Variants in MTMR14 observed in about 807,000 individuals in gnomAD.
The protein encoded by MTMR14 is phosphatidylinositol-3,5-bisphosphate 3-phosphatase MTMR14.
Under a neutral mutation model 86.3 loss-of-function variants are expected in MTMR14, and 48 were observed. That is an observed-to-expected ratio of 0.56 (90% CI 0.44 to 0.71). The LOEUF is 0.71. Ranked by LOEUF, MTMR14 falls within the 30% of genes least tolerant of loss-of-function variation. MTMR14 has a pLI of 0.00. For missense variants in MTMR14, 780 were observed against 834.6 expected (o/e 0.93, Z 0.81); for synonymous variants, 366 against 326.1 (o/e 1.12, Z -1.32).
Position 9,653,543 on chromosome 3 carries a change from C to T in MTMR14, c.160-78C>T, listed in dbSNP as rs990688472. ...AGGTACATGTCTTTCCCAGTGACCT[C>T]TTAGGCCATGGACCTCCTAATTCTC... On this transcript the variant is annotated intron_variant, in intron 1 of 18. Coordinates refer to ENST00000296003, the MANE Select transcript of MTMR14 (RefSeq NM_001077525.3). The T allele has an allele frequency of 3.1e-6, 5 of 1,588,352 alleles. No individual in the cohort carries two copies. In the Admixed American group the frequency reaches 6.7e-5, roughly 21 times the overall value.
At chr3:9,678,698 G>A (rs1346292509) in intron 9 of MTMR14, among the ~76,000 whole-genome samples, 7 of 152,142 alleles carry the variant, frequency 4.6e-5, no homozygotes, top group Non-Finnish European at 7.4e-5. Context: ...GCTTTGGCTC[G>A]AGTGTCTGCT....
At chr3:9,661,637 C>G (rs1024191588) in intron 2 of MTMR14, among the ~76,000 whole-genome samples, 1 of 152,110 alleles carries the variant, frequency 6.6e-6, no homozygotes, top group African/African-American at 2.4e-5. Context: ...AGGTCTTATC[C>G]TGGGAGTTAA....
chr3:9,663,606 C>T (rs1291916483), intron 3 of MTMR14, among the ~76,000 whole-genome samples: 14 of 149,842 alleles, frequency 9.3e-5, no homozygotes, highest in African/African-American at 2.7e-4. Flanking sequence ...CTCCGCCTCC[C>T]GGGTTCACGC....
At chr3:9,685,111 A>T in intron 12 of MTMR14, 100 bp from the exon 13 acceptor site, 1 of 1,543,974 alleles carries the variant, frequency 6.5e-7, no homozygotes, top group East Asian at 2.2e-5. Context: ...CCCACCTGCC[A>T]CGCTGGTGCC....
At chr3:9,660,516 C>T (rs1438993846) in intron 2 of MTMR14, among the ~76,000 whole-genome samples, 3 of 152,166 alleles carry the variant, frequency 2.0e-5, no homozygotes, top group Non-Finnish European at 4.4e-5. Flanking sequence ...CCACCTTGGC[C>T]TCCCAAAGTG....
chr3:9,697,806 T>A lies in MTMR14; in HGVS notation c.1709T>A (p.Val570Asp). 6.2e-7 allele frequency: 1 copy of A among 1,614,218 alleles called. No individual in the cohort carries two copies. Among genetic ancestry groups the A allele is most frequent in the Non-Finnish European group, 8.5e-7 (1 of 1,180,038 alleles). ...TGCGSIQERAVLHTDSSLPFS... is the reference protein window; with the variant it reads ...TGCGSIQERADLHTDSSLPFS... ...TGTGGCAGTATTCAGGAGCGGGCTG[T>A]CCTGCACACAGACTCCTCTCTCCCT... The change falls in exon 18 of 19, where the codon GTC becomes GAC. Residue 570 changes from valine (V) to aspartate (D), a missense_variant. By Grantham distance (152) the Val-to-Asp change is radical. Coordinates refer to ENST00000296003, the MANE Select transcript of MTMR14 (RefSeq NM_001077525.3).
chr3:9,685,235 C>T lies in MTMR14; in HGVS notation c.1152C>T (p.Ser384=). ...LFGHMLVDRL[S]KGEEIFFFCF... is the part of the protein sequence containing the mutation. ...GGCACATGTTGGTAGATCGGCTCAGCAAAGGGGAGGAGGTGAGTATACCAC... is the reference window on the plus strand; with the variant it reads ...GGCACATGTTGGTAGATCGGCTCAGTAAAGGGGAGGAGGTGAGTATACCAC... Residue 384 remains serine (S), a synonymous_variant, in exon 13 of 19, where the codon AGC becomes AGT. Transcript: ENST00000296003. The T allele has an allele frequency of 1.2e-6, 2 of 1,614,066 alleles. No individual in the cohort carries two copies. Among genetic ancestry groups the T allele is most frequent in the Non-Finnish European group, 1.7e-6 (2 of 1,180,004 alleles).
chr3:9,683,358 G>T, intron 10 of MTMR14, 114 bp downstream of exon 10: 1 of 1,041,012 alleles, frequency 9.6e-7, no homozygotes, highest in East Asian at 2.5e-5. Context: ...TGTGCTGTGG[G>T]AGAGGAATTT....
At chr3:9,656,594 G>C (rs1164076508) in intron 2 of MTMR14, among the ~76,000 whole-genome samples, 1 of 151,890 alleles carries the variant, frequency 6.6e-6, no homozygotes, top group African/African-American at 2.4e-5. Context: ...GCTAGTTCTT[G>C]AATTTTAGTA....
chr3:9,662,354 A>C lies in MTMR14; in HGVS notation c.396A>C (p.Pro132=). ...MARCRGRFVC[P]VILFKGKHIC... is the part of the protein sequence containing the mutation. ...GGTGCAGAGGACGGTTTGTCTGCCC[A>C]GTAATCCTGTTCAAGGGCAAGGTAA... The change falls in exon 3 of 19, where the codon CCA becomes CCC. Residue 132 remains proline, a synonymous_variant. Coordinates refer to ENST00000296003, the MANE Select transcript of MTMR14 (RefSeq NM_001077525.3). 2 of 1,613,768 alleles carry C rather than the reference A, an allele frequency of 1.2e-6. No individual in the cohort carries two copies.
chr3:9,680,563 T>G (rs769411103), intron 9 of MTMR14, among the ~76,000 whole-genome samples: 15 of 152,204 alleles, frequency 9.9e-5, no homozygotes, highest in Non-Finnish European at 1.9e-4. Context: ...CTGCAGCCCA[T>G]GGCCGGGCAC....
chr3:9,653,959 G>T, intron 2 of MTMR14, 190 bp downstream of exon 2: 1 of 700,410 alleles, frequency 1.4e-6, no homozygotes, highest in Non-Finnish European at 2.5e-6. Context: ...TGAGGGGTTG[G>T]GAGTAACAGC....
intron 7 of MTMR14, among the ~76,000 whole-genome samples, chr3:9,676,358 G>T (rs921235395): frequency 2.6e-5 from 4 of 152,356 alleles, no homozygotes; most frequent in Non-Finnish European, 5.9e-5. Context: ...CTCAGCAGGG[G>T]CAGGCCACAG....
chr3:9,682,943 CG>C (rs1452283889), intron 9 of MTMR14, among the ~76,000 whole-genome samples: 2 of 151,486 alleles, frequency 1.3e-5, no homozygotes, highest in African/African-American at 4.9e-5. Flanking sequence ...GCCCCCCCCC[CG>C]CCCCCGCCCC....
At position 9,701,248 on chromosome 3, in the gene MTMR14, C is replaced by T. The variant is rs890185535; in HGVS notation, c.1770-542C>T. 10 of 165,284 alleles carry T rather than the reference C, an allele frequency of 6.1e-5. No individual in the cohort carries two copies. The highest frequency in any genetic ancestry group is 1.6e-4 in the South Asian group (1 of 6,314). 10.2% of individuals were successfully genotyped at this position (165,284 alleles called of 1,614,324 possible). A position where few individuals can be genotyped will look rare whatever the true frequency, so the allele number is the denominator to read the frequency against. The stretch of plus-strand genomic sequence containing the variant: ...CTTAGCTACCCTCCTTCCCAGTGAT[C>T]GCAAAGATAGTTATTTTCACAACAG... On this transcript the variant is annotated intron_variant, in intron 18 of 18. Coordinates refer to ENST00000296003, the MANE Select transcript of MTMR14 (RefSeq NM_001077525.3). The surrounding 1 kb of genome is among the most constrained non-coding windows in gnomAD (Gnocchi z 4.2).
chr3:9,671,710 T>G (rs2048574411), intron 6 of MTMR14, among the ~76,000 whole-genome samples: 1 of 152,212 alleles, frequency 6.6e-6, no homozygotes, highest in African/African-American at 2.4e-5. Context: ...TTTACTTCAG[T>G]GACTGCTGTC....
intron 2 of MTMR14, among the ~76,000 whole-genome samples, chr3:9,657,990 G>A (rs2047711452): frequency 6.6e-6 from 1 of 152,118 alleles, no homozygotes; most frequent in African/African-American, 2.4e-5. Context: ...CACCACCACG[G>A]CTCTCCCACC....
At chr3:9,686,791 A>T (rs1010298409) in intron 13 of MTMR14, among the ~76,000 whole-genome samples, 1 of 152,130 alleles carries the variant, frequency 6.6e-6, no homozygotes, top group African/African-American at 2.4e-5. Flanking sequence ...TCTCTGAGAG[A>T]GGGGCTCATG....
rs1388670694 is a variant in MTMR14 at position 9,689,931 on chromosome 3, C to T, written c.1434-33C>T. On this transcript the variant is annotated intron_variant, in intron 16 of 18. Coordinates refer to ENST00000296003, the MANE Select transcript of MTMR14 (RefSeq NM_001077525.3). The stretch of plus-strand genomic sequence containing the variant: ...GGCAGAGGGCTTTGCCTGCAGTGGC[C>T]CCCGGCTCACAGCCCTGCTCCTTCC... 5 of 1,592,244 alleles carry T rather than the reference C, an allele frequency of 3.1e-6. No individual in the cohort carries two copies. In the African/African-American group the frequency reaches 6.7e-5, roughly 21 times the overall value.
Sources: gnomAD v4.1 joint callset for allele counts (sites outside exome capture counted in the v4.1 genomes callset) on GRCh38, gnomAD v4.1.1 for gene constraint, Gnocchi (gnomAD v3.1) non-coding constraint, MANE v1.5 for transcripts, NCBI Gene and HGNC (gene_info 2026-07-23, HGNC 2026-07-21) for gene names.